The following TBCK variants were observed in gnomAD, a reference collection of about 807,000 sequenced individuals.
TBCK encodes the protein TBC domain-containing protein kinase-like protein.
TBCK carries 99 observed loss-of-function variants against 113.4 expected under a neutral mutation model. That is an observed-to-expected ratio of 0.87 (90% CI 0.74 to 1.03). TBCK has a LOEUF of 1.03. TBCK is among the 50% of genes least tolerant of loss of function. The pLI is 0.00. For missense variants in TBCK, 1,045 were observed against 1,061.3 expected (o/e 0.98, Z 0.21); for synonymous variants, 369 against 370.8 (o/e 1.00, Z 0.05).
intron 24 of TBCK, among the ~76,000 whole-genome samples, chr4:106,103,267 T>C (rs1741755926): frequency 6.6e-6 from 1 of 152,234 alleles, no homozygotes. Flanking sequence ...CAGGTAGATT[T>C]GTTCAGTTGG....
chr4:106,256,693 C>T (rs1762029724), intron 5 of TBCK, among the ~76,000 whole-genome samples: 1 of 152,144 alleles, frequency 6.6e-6, no homozygotes, highest in East Asian at 1.9e-4. Flanking sequence ...CCTGCCTGCT[C>T]CTGGCCCCCA....
intron 2 of TBCK, among the ~76,000 whole-genome samples, chr4:106,308,528 G>T (rs1402129798): frequency 2.0e-5 from 3 of 152,150 alleles, no homozygotes; most frequent in Non-Finnish European, 1.5e-5. Context: ...CTAGATCAAG[G>T]ACTAGATGAA....
At chr4:106,254,882 T>C (rs1214789678) in intron 5 of TBCK, 2 of 152,070 alleles carry the variant, frequency 1.3e-5, no homozygotes, top group Admixed American at 6.6e-5. Flanking sequence ...TAAAATATTT[T>C]TATATAAAAT....
intron 2 of TBCK, among the ~76,000 whole-genome samples, chr4:106,300,341 A>C (rs1174992452): frequency 6.6e-6 from 1 of 152,204 alleles, no homozygotes; most frequent in Non-Finnish European, 1.5e-5. Context: ...CATTTAAGCA[A>C]GAATAAAGGA....
intron 5 of TBCK, among the ~76,000 whole-genome samples, chr4:106,258,850 A>G (rs1215510336): frequency 6.6e-6 from 1 of 151,940 alleles, no homozygotes; most frequent in Non-Finnish European, 1.5e-5. Context: ...TTGAATAAAA[A>G]ACCCCTTTCA....
intron 3 of TBCK, among the ~76,000 whole-genome samples, chr4:106,290,368 A>T (rs190179419): frequency 6.6e-6 from 1 of 151,936 alleles, no homozygotes; most frequent in Non-Finnish European, 1.5e-5. Flanking sequence ...TAGTAGAGAC[A>T]GGGTTTCACC....
At chr4:106,224,119 A>G (rs1757982801) in intron 19 of TBCK, among the ~76,000 whole-genome samples, 1 of 152,076 alleles carries the variant, frequency 6.6e-6, no homozygotes, top group African/African-American at 2.4e-5. Context: ...TAAATTTATT[A>G]TATCTTAAAT....
intron 8 of TBCK, 123 bp from the exon 9 acceptor site, chr4:106,248,429 A>T (rs1381778575): frequency 1.5e-6 from 1 of 678,090 alleles, no homozygotes; most frequent in Non-Finnish European, 2.3e-6. Flanking sequence ...ACTTTATACA[A>T]ATTTAGTCAC....
At chr4:106,311,407 A>C (rs780222724) in intron 1 of TBCK, among the ~76,000 whole-genome samples, 4 of 152,198 alleles carry the variant, frequency 2.6e-5, no homozygotes, top group Admixed American at 6.5e-5. Flanking sequence ...GCCATATTTA[A>C]TAGCATAGAT....
intron 25 of TBCK, among the ~76,000 whole-genome samples, chr4:106,089,184 A>G (rs1261173040): frequency 1.3e-5 from 2 of 152,136 alleles, no homozygotes; most frequent in African/African-American, 2.4e-5. Context: ...AGCATGTCAC[A>G]TGGCCAGAGT....
At chr4:106,304,665 G>C (rs1767318793) in intron 2 of TBCK, among the ~76,000 whole-genome samples, 1 of 152,064 alleles carries the variant, frequency 6.6e-6, no homozygotes, top group African/African-American at 2.4e-5. Flanking sequence ...AAGAAAATCA[G>C]AATATGCCAT....
intron 4 of TBCK, among the ~76,000 whole-genome samples, chr4:106,261,053 T>A (rs1762459080): frequency 6.6e-6 from 1 of 152,080 alleles, no homozygotes. Flanking sequence ...ATCATAAGTA[T>A]AAGGCTCTTA....
chr4:106,229,691 G>C (rs192562786), intron 19 of TBCK, among the ~76,000 whole-genome samples: 3 of 151,948 alleles, frequency 2.0e-5, no homozygotes, highest in Non-Finnish European at 4.4e-5. Context: ...CTCCAGTTTT[G>C]TTCTTTTTGC....
At chr4:106,220,211 A>C (rs1265993906) in intron 19 of TBCK, among the ~76,000 whole-genome samples, 2 of 152,138 alleles carry the variant, frequency 1.3e-5, no homozygotes, top group Non-Finnish European at 2.9e-5. Flanking sequence ...TAATTGAATC[A>C]TGGGAGCTGC....
intron 25 of TBCK, among the ~76,000 whole-genome samples, chr4:106,066,035 C>T (rs977756400): frequency 6.6e-6 from 1 of 151,870 alleles, no homozygotes; most frequent in African/African-American, 2.4e-5. Flanking sequence ...AGCAATAAAC[C>T]GCTAATCAAT....
intron 22 of TBCK, chr4:106,182,380 C>A (rs1422941085): frequency 6.6e-6 from 1 of 152,134 alleles, no homozygotes; most frequent in East Asian, 1.9e-4. Flanking sequence ...TGCCTGACTG[C>A]CCTGGCCAGA....
Position 106,091,139 on chromosome 4 carries a change from G to C in TBCK, c.2571+4343C>G, listed in dbSNP as rs1399614759. Reference sequence around the variant, plus strand: ...TGGTTAACTGGCTCACAGTTTTGCAGGTTTTACAGAAAGCATGGTGCTGAC... The same window carrying C: ...TGGTTAACTGGCTCACAGTTTTGCACGTTTTACAGAAAGCATGGTGCTGAC... On this transcript the variant is annotated intron_variant, in intron 25 of 25. Coordinates refer to ENST00000394708, the MANE Select transcript of TBCK (RefSeq NM_001163435.3). 2.0e-5 allele frequency among the ~76,000 whole-genome samples: 3 copies of C among 152,306 alleles called. No homozygotes were observed. The East Asian group carries it at 5.8e-4, about 29-fold the overall frequency.
intron 22 of TBCK, among the ~76,000 whole-genome samples, chr4:106,180,984 C>T (rs1375453995): frequency 1.3e-5 from 2 of 152,110 alleles, no homozygotes; most frequent in Non-Finnish European, 2.9e-5. Context: ...ACACTCCCAC[C>T]AACAGTGTAA....
intron 25 of TBCK, among the ~76,000 whole-genome samples, chr4:106,069,303 T>C (rs1376983903): frequency 2.0e-5 from 3 of 152,236 alleles, no homozygotes; most frequent in Non-Finnish European, 4.4e-5. Context: ...CTTTCATCCA[T>C]CTGGAATTAA....
Sources: allele counts gnomAD v4.1 joint callset (sites outside exome capture counted in the v4.1 genomes callset), GRCh38; gene constraint gnomAD v4.1.1; transcripts MANE v1.5; gene names NCBI Gene and HGNC (gene_info 2026-07-23, HGNC 2026-07-21).